LRP1B: variants seen among roughly 807,000 people sequenced by gnomAD.
The protein encoded by LRP1B is LDL receptor related protein 1B.
In LRP1B, 217 loss-of-function variants were observed where a neutral mutation model predicts 556.6. The ratio of observed to expected loss-of-function variants is 0.39; its 90% CI spans 0.35 to 0.44. The LOEUF (loss-of-function observed/expected upper bound fraction) is 0.44. LRP1B is among the 20% of genes least tolerant of loss of function. LRP1B has a pLI of 1.00. For synonymous variants in LRP1B, 2,047 were observed against 1,865.8 expected (o/e 1.10, Z -2.50); for missense variants, 5,053 against 5,620.8 (o/e 0.90, Z 3.23).
In LRP1B at chr2:141,645,794, G is replaced by A. The variant is rs527923522; in HGVS notation, c.205+164485C>T. Among the ~76,000 whole-genome samples the A allele has an allele frequency of 5.3e-5, 8 of 152,000 alleles. No homozygotes were observed. The East Asian group carries it at 9.7e-4, about 18-fold the overall frequency. On this transcript the variant is annotated intron_variant, in intron 2 of 90. Transcript: ENST00000389484. Reference sequence around the variant, plus strand: ...AAGAGTGAGTAGTTTTTCAAACAACGTCAAGGATAAATACAAAACATGTAT... The same window carrying A: ...AAGAGTGAGTAGTTTTTCAAACAACATCAAGGATAAATACAAAACATGTAT...
chr2:141,906,666 C>T (rs1699769029), intron 1 of LRP1B, among the ~76,000 whole-genome samples: 1 of 151,904 alleles, frequency 6.6e-6, no homozygotes, highest in Non-Finnish European at 1.5e-5. Flanking sequence ...AACAGCAAAG[C>T]ATTATAATAA....
At chr2:141,476,067 G>A (rs528881593) in intron 3 of LRP1B, among the ~76,000 whole-genome samples, 22 of 152,196 alleles carry the variant, frequency 1.4e-4, no homozygotes, top group African/African-American at 4.8e-4. Context: ...GCACCGAACC[G>A]TAAATGCTAC....
intron 52 of LRP1B, 100 bp from the exon 53 acceptor site, chr2:140,507,018 C>A (rs2104908386): frequency 8.0e-7 from 1 of 1,247,134 alleles, no homozygotes; most frequent in Non-Finnish European, 1.1e-6. Flanking sequence ...TCCAATAATT[C>A]ATAGTTACTG....
chr2:141,010,282 T>A (rs1052896418), intron 14 of LRP1B, among the ~76,000 whole-genome samples: 8 of 152,012 alleles, frequency 5.3e-5, no homozygotes, highest in Non-Finnish European at 1.0e-4. Context: ...GCTCTTTATA[T>A]GAGGAGGAGA....
intron 2 of LRP1B, among the ~76,000 whole-genome samples, chr2:141,510,863 A>G (rs1454195555): frequency 1.4e-5 from 2 of 140,736 alleles, no homozygotes; most frequent in Non-Finnish European, 3.0e-5. Flanking sequence ...CTTGCAACAT[A>G]CCTTCCTTGT....
At chr2:141,436,670 T>A (rs550261189) in intron 3 of LRP1B, among the ~76,000 whole-genome samples, 91 of 152,288 alleles carry the variant, frequency 6.0e-4, no homozygotes, top group African/African-American at 2.0e-3. Context: ...TTTCCTTGGA[T>A]TCTGAACCTA....
chr2:141,646,662 A>C (rs1219872268), intron 2 of LRP1B, among the ~76,000 whole-genome samples: 2 of 152,118 alleles, frequency 1.3e-5, no homozygotes, highest in African/African-American at 4.8e-5. Context: ...GAACCGTATA[A>C]ATAGTAATTA....
At chr2:141,167,043 T>C (rs914097220) in intron 7 of LRP1B, among the ~76,000 whole-genome samples, 1 of 151,932 alleles carries the variant, frequency 6.6e-6, no homozygotes, top group African/African-American at 2.4e-5. Context: ...CTTAGGAAAC[T>C]GGTTGTTACT....
At chr2:141,955,162 G>A (rs1701211798) in intron 1 of LRP1B, among the ~76,000 whole-genome samples, 1 of 152,088 alleles carries the variant, frequency 6.6e-6, no homozygotes, top group Non-Finnish European at 1.5e-5. Flanking sequence ...TGAATTTCAG[G>A]CAAAGCACTA....
intron 51 of LRP1B, among the ~76,000 whole-genome samples, chr2:140,513,878 A>G (rs1689769018): frequency 6.6e-6 from 1 of 152,054 alleles, no homozygotes; most frequent in Non-Finnish European, 1.5e-5. Context: ...ATATATAGCT[A>G]CAGGTACAAA....
chr2:140,820,835 C>A (rs437950), intron 31 of LRP1B, among the ~76,000 whole-genome samples: 1 of 151,620 alleles, frequency 6.6e-6, no homozygotes, highest in Non-Finnish European at 1.5e-5. Context: ...CACATATCAT[C>A]CTCTTTTATG....
chr2:141,752,974 C>T (rs1460407362), intron 2 of LRP1B, among the ~76,000 whole-genome samples: 5 of 66,354 alleles, frequency 7.5e-5, no homozygotes, highest in African/African-American at 1.9e-4. Flanking sequence ...ATGCTGGGTG[C>T]GGTGGCTCGA....
At chr2:141,690,285 G>A (rs1406802959) in intron 2 of LRP1B, among the ~76,000 whole-genome samples, 1 of 149,814 alleles carries the variant, frequency 6.7e-6, no homozygotes, top group Non-Finnish European at 1.5e-5. Flanking sequence ...AATTAATTAT[G>A]TTCCTTTGAA....
chr2:141,283,860 A>G (rs1187032912), intron 3 of LRP1B, among the ~76,000 whole-genome samples: 1 of 152,068 alleles, frequency 6.6e-6, no homozygotes, highest in African/African-American at 2.4e-5. Flanking sequence ...TGTCATAAAA[A>G]GGAAGGGAAT....
intron 1 of LRP1B, among the ~76,000 whole-genome samples, chr2:141,845,323 T>TA (rs1697609646): frequency 6.6e-6 from 1 of 151,772 alleles, no homozygotes; most frequent in Admixed American, 6.6e-5. Context: ...TAAATAAGAA[T>TA]AAAAAACTGC....
At chr2:140,966,788 A>T (rs4954680) in intron 18 of LRP1B, among the ~76,000 whole-genome samples, 122,213 of 152,104 alleles carry the variant, frequency 0.8, 49,823 homozygotes, top group Non-Finnish European at 0.87. Flanking sequence ...AGCACCATTT[A>T]TTAAATATGG....
chr2:142,011,881 A>G (rs919002656), intron 1 of LRP1B, among the ~76,000 whole-genome samples: 3 of 152,128 alleles, frequency 2.0e-5, no homozygotes, highest in Non-Finnish European at 2.9e-5. Flanking sequence ...TTTAGGTGAG[A>G]GTCTGTCAGT....
intron 32 of LRP1B, among the ~76,000 whole-genome samples, chr2:140,791,413 A>T (rs1189669913): frequency 6.6e-6 from 1 of 152,128 alleles, no homozygotes; most frequent in Non-Finnish European, 1.5e-5. Context: ...TGGGTGACAG[A>T]GTGAGACCCT....
chr2:141,532,556 A>T (rs62167938), intron 2 of LRP1B, among the ~76,000 whole-genome samples: 8,485 of 152,112 alleles, frequency 0.056, 280 homozygotes, highest in Non-Finnish European at 0.066. Context: ...AAGTATCAGA[A>T]CATATATAAA....
Sources: gnomAD v4.1 joint callset for allele counts (sites outside exome capture counted in the v4.1 genomes callset) on GRCh38, gnomAD v4.1.1 for gene constraint, MANE v1.5 for transcripts, NCBI Gene and HGNC (gene_info 2026-07-23, HGNC 2026-07-21) for gene names.